Variants in GSC observed in about 807,000 individuals in gnomAD.
GSC encodes homeobox protein goosecoid.
GSC carries 13 observed loss-of-function variants against 24.5 expected under a neutral mutation model. That is an observed-to-expected ratio of 0.53 (90% CI 0.35 to 0.84). GSC has a LOEUF of 0.84. Among genes scored for constraint, GSC ranks in the 40% least tolerant of loss-of-function variants. GSC has a pLI of 0.01. For synonymous variants in GSC, 199 were observed against 182.1 expected, an observed-to-expected ratio of 1.09 and a Z score of -0.75; for missense variants, 382 against 384.2, an observed-to-expected ratio of 0.99 and a Z score of 0.05.
Position 94,770,049 on chromosome 14 carries a change from G to A in GSC, c.-34C>T. The A allele has an allele frequency of 6.5e-7, 1 of 1,527,100 alleles. No individual in the cohort carries two copies. The highest frequency in any genetic ancestry group is 8.7e-7 in the Non-Finnish European group (1 of 1,143,772). The allele number at this position is 1,527,100 out of a possible 1,614,324, so 94.6% of individuals were successfully genotyped here. A position where few individuals can be genotyped will look rare whatever the true frequency, so the allele number is the denominator to read the frequency against. ...CCCGCGTCGGGACCGGGGGGCGGCG[G>A]GAACGCGCCGAGGACAGAGCCTTAA... is the stretch of plus-strand genomic sequence containing the variant. On this transcript the variant is annotated 5_prime_UTR_variant, in exon 1 of 3. Coordinates refer to ENST00000238558, the MANE Select transcript of GSC (RefSeq NM_173849.3).
In GSC at chr14:94,769,796, T is replaced by C; in HGVS notation, c.220A>G (p.Ser74Gly). The part of the protein sequence containing the change: ...PGGAGLPAAV[S>G]GSRLGYNNYF... ...TTGTTGTAGCCGAGGCGGGAGCCGCTGACCGCGGCCGGGAGGCCCGCGCCG... is the reference window on the plus strand; with the variant it reads ...TTGTTGTAGCCGAGGCGGGAGCCGCCGACCGCGGCCGGGAGGCCCGCGCCG... The change falls in exon 1 of 3, where the codon AGC becomes GGC. Residue 74 changes from serine to glycine, a missense_variant. By Grantham distance (56) the Ser-to-Gly change is moderately conservative. Transcript: ENST00000238558. 1.4e-6 allele frequency: 2 copies of C among 1,420,778 alleles called. No individual in the cohort carries two copies. Among genetic ancestry groups the C allele is most frequent in the South Asian group, 1.5e-5 (1 of 66,392 alleles). 88.0% of individuals were successfully genotyped at this position (1,420,778 alleles called of 1,614,324 possible). A position where few individuals can be genotyped will look rare whatever the true frequency, so the allele number is the denominator to read the frequency against.
rs2139703940 is a variant in GSC, at chr14:94,769,813, C to G, written c.203G>C (p.Gly68Ala). The G allele has an allele frequency of 7.1e-7, 1 of 1,412,634 alleles. No homozygotes were observed. Among genetic ancestry groups the G allele is most frequent in the Admixed American group, 3.5e-5 (1 of 28,566 alleles). 87.5% of individuals were successfully genotyped at this position (1,412,634 alleles called of 1,614,324 possible). The stretch of plus-strand genomic sequence containing the variant: ...GGAGCCGCTGACCGCGGCCGGGAGG[C>G]CCGCGCCGCCGGGGGCCACGGGGCG... ...YPRPVAPGGA[G>A]LPAAVSGSRL... The change falls in exon 1 of 3, where the codon GGC becomes GCC. Residue 68 changes from glycine (G) to alanine (A), a missense_variant. Transcript: ENST00000238558.
intron 1 of GSC, 106 bp downstream of exon 1, chr14:94,769,555 G>A (rs938037603): frequency 4.4e-6 from 6 of 1,365,772 alleles, no homozygotes; most frequent in Non-Finnish European, 5.7e-6. Context: ...AAAGCGGAGG[G>A]GGGAGTTGCA....
At chr14:94,769,534 C>T in intron 1 of GSC, 127 bp downstream of exon 1, 1 of 1,331,216 alleles carries the variant, frequency 7.5e-7, no homozygotes, top group Non-Finnish European at 9.8e-7. Context: ...AACTCCTGCG[C>T]CCGATCGGCA....
chr14:94,768,587 C>T lies in GSC; in HGVS notation c.678G>A (p.Ser226=), dbSNP rs1418511830. ...TCTTGTTCCACTTCTCCGCGTTCTC[C>T]GACTCCTCTGATGAGGACCGCTTCT... ...RRQKRSSSEE[S]ENAEKWNKTS... is the part of the protein sequence containing the mutation. Residue 226 remains serine (S), a synonymous_variant, in exon 3 of 3, where the codon TCG becomes TCA. Transcript: ENST00000238558. 2.5e-6 allele frequency: 4 copies of T among 1,614,064 alleles called. No individual in the cohort carries two copies. Among genetic ancestry groups the T allele is most frequent in the Non-Finnish European group, 3.4e-6 (4 of 1,180,042 alleles).
At position 94,770,094 on chromosome 14, in the gene GSC, C is replaced by T; in HGVS notation, c.-79G>A. Reference sequence around the variant, plus strand: ...CCTTAAAGTGGGGGGGTCCACTCTCCTCCAGCCGCCGACCAAACCGAAAGA... The same window carrying T: ...CCTTAAAGTGGGGGGGTCCACTCTCTTCCAGCCGCCGACCAAACCGAAAGA... On this transcript the variant is annotated 5_prime_UTR_variant, in exon 1 of 3. Transcript: ENST00000238558. The T allele has an allele frequency of 7.5e-7, 1 of 1,337,354 alleles. No individual in the cohort carries two copies. Among genetic ancestry groups the T allele is most frequent in the Non-Finnish European group, 1.0e-6 (1 of 994,844 alleles). 82.8% of individuals were successfully genotyped at this position (1,337,354 alleles called of 1,614,324 possible).
At chr14:94,769,366 A>G in intron 1 of GSC, 149 bp from the exon 2 acceptor site, 2 of 1,080,400 alleles carry the variant, frequency 1.9e-6, no homozygotes, top group Non-Finnish European at 2.6e-6. Context: ...GTGCAGGGAA[A>G]AGGAGGAGGC....
chr14:94,769,653 G>T lies in GSC; in HGVS notation c.355+8C>A. ...GGGCGGCAGAGGCCGGAGCGAGCGC[G>T]ACCCTACCTGGGGGCGTCGGGACGC... is the stretch of plus-strand genomic sequence containing the variant. On this transcript the variant is annotated splice_region_variant and intron_variant, in intron 1 of 2. Coordinates refer to ENST00000238558, the MANE Select transcript of GSC (RefSeq NM_173849.3). 1.4e-6 allele frequency: 2 copies of T among 1,420,208 alleles called. No individual in the cohort carries two copies. Among genetic ancestry groups the T allele is most frequent in the South Asian group, 1.5e-5 (1 of 65,294 alleles). 88.0% of individuals were successfully genotyped at this position (1,420,208 alleles called of 1,614,324 possible).
In GSC at chr14:94,769,089, G is replaced by T; in HGVS notation, c.484C>A (p.Arg162=). ...TCGTCAGTGAAGATGGTGCGGTGCC[G>T]CCGCTTCCGCCGACAGTGCAGCTGG... ...LNQLHCRRKR[R]HRTIFTDEQL... The change falls in exon 2 of 3, where the codon CGG becomes AGG. Residue 162 remains arginine, a synonymous_variant. Coordinates refer to ENST00000238558, the MANE Select transcript of GSC (RefSeq NM_173849.3). 1 of 1,589,958 alleles carries T rather than the reference G, an allele frequency of 6.3e-7. No homozygotes were observed. The highest frequency in any genetic ancestry group is 8.6e-7 in the Non-Finnish European group (1 of 1,169,022).
intron 2 of GSC, 53 bp downstream of exon 2, chr14:94,768,905 C>A: frequency 1.3e-6 from 2 of 1,550,118 alleles, no homozygotes; most frequent in Admixed American, 3.9e-5. Flanking sequence ...CGACTGGGGC[C>A]CCACCTCGCG....
Position 94,769,694 on chromosome 14 carries a change from C to G in GSC, c.322G>C (p.Ala108Pro). 1 of 1,446,256 alleles carries G rather than the reference C, an allele frequency of 6.9e-7. No individual in the cohort carries two copies. Among genetic ancestry groups the G allele is most frequent in the South Asian group, 1.4e-5 (1 of 70,772 alleles). The allele number at this position is 1,446,256 out of a possible 1,614,324, so 89.6% of individuals were successfully genotyped here. ...ACCGAVPPLG[A>P]QQCSCVPTPP... is the part of the protein sequence containing the mutation. ...GTCGGGACGCAGGAGCACTGCTGGGCGCCCAGCGGCGGCACGGCCCCGCAG... is the reference window on the plus strand; with the variant it reads ...GTCGGGACGCAGGAGCACTGCTGGGGGCCCAGCGGCGGCACGGCCCCGCAG... The change falls in exon 1 of 3, where the codon GCC becomes CCC. Residue 108 changes from alanine (A) to proline (P), a missense_variant. Ala to Pro is a conservative substitution (Grantham distance 27). Transcript: ENST00000238558.
In GSC at chr14:94,770,108, C is replaced by G; in HGVS notation, c.-93G>C. 7.9e-7 allele frequency: 1 copy of G among 1,272,656 alleles called. No homozygotes were observed. The allele number at this position is 1,272,656 out of a possible 1,614,324, so 78.8% of individuals were successfully genotyped here. A position where few individuals can be genotyped will look rare whatever the true frequency, so the allele number is the denominator to read the frequency against. ...GGTCCACTCTCCTCCAGCCGCCGAC[C>G]AAACCGAAAGAGAGCGCCGGCGAGC... is the stretch of plus-strand genomic sequence containing the variant. On this transcript the variant is annotated 5_prime_UTR_variant, in exon 1 of 3. Coordinates refer to ENST00000238558, the MANE Select transcript of GSC (RefSeq NM_173849.3).
In GSC at chr14:94,769,663, G is replaced by A; in HGVS notation, c.353C>T (p.Pro118Leu). The A allele has an allele frequency of 1.4e-6, 2 of 1,437,938 alleles. No homozygotes were observed. Among genetic ancestry groups the A allele is most frequent in the Non-Finnish European group, 1.8e-6 (2 of 1,106,006 alleles). The allele number at this position is 1,437,938 out of a possible 1,614,324, so 89.1% of individuals were successfully genotyped here. A position where few individuals can be genotyped will look rare whatever the true frequency, so the allele number is the denominator to read the frequency against. ...GGCCGGAGCGAGCGCGACCCTACCT[G>A]GGGGCGTCGGGACGCAGGAGCACTG... ...AQQCSCVPTP[P>L]GYEGPGSVLV... The change falls in exon 1 of 3, where the codon CCA (proline) becomes CTA (leucine). Residue 118 changes from proline to leucine, a missense_variant and splice_region_variant. Transcript: ENST00000238558.
At chr14:94,768,898 C>T in intron 2 of GSC, 60 bp downstream of exon 2, 1 of 1,546,912 alleles carries the variant, frequency 6.5e-7, no homozygotes, top group Admixed American at 1.9e-5. Context: ...GCAAACCCGA[C>T]TGGGGCCCCA....
rs761600442 is a variant in GSC, at chr14:94,769,793, C to T, written c.223G>A (p.Gly75Ser). The T allele has an allele frequency of 4.9e-6, 7 of 1,421,878 alleles. No homozygotes were observed. Among genetic ancestry groups the T allele is most frequent in the South Asian group, 1.5e-5 (1 of 66,578 alleles). 88.1% of individuals were successfully genotyped at this position (1,421,878 alleles called of 1,614,324 possible). The change falls in exon 1 of 3, where the codon GGC (glycine) becomes AGC (serine). Residue 75 changes from glycine (G) to serine (S), a missense_variant. Coordinates refer to ENST00000238558, the MANE Select transcript of GSC (RefSeq NM_173849.3). Reference sequence around the variant, plus strand: ...TAGTTGTTGTAGCCGAGGCGGGAGCCGCTGACCGCGGCCGGGAGGCCCGCG... The same window carrying T: ...TAGTTGTTGTAGCCGAGGCGGGAGCTGCTGACCGCGGCCGGGAGGCCCGCG... ...GGAGLPAAVS[G>S]SRLGYNNYFY... is the part of the protein sequence containing the mutation.
At position 94,768,629 on chromosome 14, in the gene GSC, G is replaced by A. The variant is rs1383929856; in HGVS notation, c.636C>T (p.Arg212=). ...EKVEVWFKNR[R]AKWRRQKRSS... The stretch of plus-strand genomic sequence containing the variant: ...ACCGCTTCTGCCGCCTCCATTTGGC[G>A]CGGCGGTTCTTAAACCAGACCTGTT... The change falls in exon 3 of 3, where the codon CGC becomes CGT. Residue 212 remains arginine, a synonymous_variant. Transcript: ENST00000238558. 3.1e-6 allele frequency: 5 copies of A among 1,613,698 alleles called. No homozygotes were observed. Among genetic ancestry groups the A allele is most frequent in the East Asian group, 2.2e-5 (1 of 44,884 alleles).
chr14:94,768,752 G>C, intron 2 of GSC, 103 bp from the exon 3 acceptor site: 1 of 1,504,038 alleles, frequency 6.6e-7, no homozygotes, highest in Non-Finnish European at 9.1e-7. Context: ...CCCCGCGCAG[G>C]CCAACAAAAG....
In GSC at chr14:94,769,890, C is replaced by G; in HGVS notation, c.126G>C (p.Ser42=). The G allele has an allele frequency of 8.6e-6, 13 of 1,511,370 alleles. No individual in the cohort carries two copies. Among genetic ancestry groups the G allele is most frequent in the Non-Finnish European group, 1.1e-5 (13 of 1,137,596 alleles). The allele number at this position is 1,511,370 out of a possible 1,614,324, so 93.6% of individuals were successfully genotyped here. ...PVVFPALHGD[S]LYGASGGASS... ...AGGCGCCGCCGCTGGCGCCGTAGAGCGAGTCCCCGTGCAGGGCCGGGAAGA... is the reference window on the plus strand; with the variant it reads ...AGGCGCCGCCGCTGGCGCCGTAGAGGGAGTCCCCGTGCAGGGCCGGGAAGA... Residue 42 remains serine, a synonymous_variant, in exon 1 of 3, where the codon TCG becomes TCC. Transcript: ENST00000238558.
chr14:94,768,398 C>A lies in GSC; in HGVS notation c.*93G>T. 6.7e-7 allele frequency: 1 copy of A among 1,487,788 alleles called. No individual in the cohort carries two copies. Among genetic ancestry groups the A allele is most frequent in the Non-Finnish European group, 9.4e-7 (1 of 1,066,866 alleles). 92.2% of individuals were successfully genotyped at this position (1,487,788 alleles called of 1,614,324 possible). A position where few individuals can be genotyped will look rare whatever the true frequency, so the allele number is the denominator to read the frequency against. On this transcript the variant is annotated 3_prime_UTR_variant, in exon 3 of 3. Transcript: ENST00000238558. ...CTCGTTCCTCTTTCTCGACCCCCTC[C>A]CGCAAGGCAGCGCGTGTGCAAGAAA...
Sources: gnomAD v4.1 joint callset for allele counts on GRCh38, gnomAD v4.1.1 for gene constraint, MANE v1.5 for transcripts, NCBI Gene and HGNC (gene_info 2026-07-23, HGNC 2026-07-21) for gene names.